Variants in RALYL observed in about 807,000 individuals in gnomAD.
RALYL encodes the protein RNA-binding Raly-like protein.
Under a neutral mutation model 35.1 loss-of-function variants are expected in RALYL, and 29 were observed. The observed-to-expected ratio is 0.83, with a 90% CI of 0.61 to 1.13. The LOEUF (loss-of-function observed/expected upper bound fraction) is 1.13. Among genes scored for constraint, RALYL ranks in the 50% most tolerant of loss-of-function variants. The pLI is 0.00. For synonymous variants in RALYL, 120 were observed against 127.6 expected, an observed-to-expected ratio of 0.94 and a Z score of 0.40; for missense variants, 359 against 360.4, an observed-to-expected ratio of 1.00 and a Z score of 0.03.
At chr8:84,221,473 A>G (rs945086875) in intron 1 of RALYL, among the ~76,000 whole-genome samples, 7 of 152,028 alleles carry the variant, frequency 4.6e-5, no homozygotes, top group Non-Finnish European at 1.0e-4. Context: ...CTCTGGGGAA[A>G]TCTTGGGTTC....
chr8:84,193,699 A>G (rs1385113079), intron 1 of RALYL, among the ~76,000 whole-genome samples: 2 of 152,192 alleles, frequency 1.3e-5, no homozygotes, highest in Non-Finnish European at 2.9e-5. Context: ...GAAAGATTCT[A>G]GAGCTGTAAT....
At chr8:84,480,134 T>G (rs182070292) in intron 1 of RALYL, among the ~76,000 whole-genome samples, 1 of 152,190 alleles carries the variant, frequency 6.6e-6, no homozygotes, top group Non-Finnish European at 1.5e-5. Context: ...TAAATAGTAT[T>G]TGATTATTAA....
intron 2 of RALYL, among the ~76,000 whole-genome samples, chr8:84,714,317 C>T (rs549412114): frequency 1.3e-4 from 19 of 151,666 alleles, no homozygotes; most frequent in Non-Finnish European, 1.6e-4. Flanking sequence ...AAAAGCAATA[C>T]GTTCAGGAGA....
At chr8:84,917,057 C>T (rs1032847955) in intron 8 of RALYL, among the ~76,000 whole-genome samples, 1 of 152,086 alleles carries the variant, frequency 6.6e-6, no homozygotes, top group African/African-American at 2.4e-5. Context: ...ATACCATATA[C>T]AGTAACTTAA....
intron 2 of RALYL, among the ~76,000 whole-genome samples, chr8:84,560,324 A>G (rs577284192): frequency 6.6e-6 from 1 of 152,144 alleles, no homozygotes; most frequent in South Asian, 2.1e-4. Flanking sequence ...GGAAATTATC[A>G]AAAGAAGGTG....
At chr8:84,213,165 C>T (rs1296494386) in intron 1 of RALYL, among the ~76,000 whole-genome samples, 1 of 151,952 alleles carries the variant, frequency 6.6e-6, no homozygotes, top group African/African-American at 2.4e-5. Flanking sequence ...CCGAGGCGGG[C>T]GGGTCACCTG....
At chr8:84,541,741 T>C (rs983659654) in intron 2 of RALYL, among the ~76,000 whole-genome samples, 1 of 152,098 alleles carries the variant, frequency 6.6e-6, no homozygotes. Context: ...CAATATTTAG[T>C]AAATACAAAC....
intron 1 of RALYL, among the ~76,000 whole-genome samples, chr8:84,395,242 T>C (rs1011361090): frequency 1.9e-4 from 29 of 151,928 alleles, no homozygotes; most frequent in African/African-American, 7.0e-4. Flanking sequence ...AAGCATTTTT[T>C]ATTTCTGTCT....
chr8:84,523,149 A>C (rs192913249), intron 1 of RALYL, among the ~76,000 whole-genome samples: 1 of 152,294 alleles, frequency 6.6e-6, no homozygotes, highest in Admixed American at 6.5e-5. Flanking sequence ...GGAATTGATA[A>C]AGGAAAGGGG....
At chr8:84,377,022 A>G (rs16912735) in intron 1 of RALYL, among the ~76,000 whole-genome samples, 4,477 of 151,934 alleles carry the variant, frequency 0.029, 209 homozygotes, top group African/African-American at 0.1. Flanking sequence ...AAAATAATCT[A>G]AAGTATACTA....
intron 1 of RALYL, among the ~76,000 whole-genome samples, chr8:84,489,301 A>G (rs1354269694): frequency 6.6e-6 from 1 of 152,022 alleles, no homozygotes; most frequent in African/African-American, 2.4e-5. Flanking sequence ...GAGCTCTGAA[A>G]CCCAGTTCAG....
At chr8:84,423,645 C>T (rs969117180) in intron 1 of RALYL, among the ~76,000 whole-genome samples, 7 of 151,744 alleles carry the variant, frequency 4.6e-5, no homozygotes, top group Non-Finnish European at 7.4e-5. Context: ...TTCCTAGTCT[C>T]GATGGTCTTT....
chr8:84,820,283 C>T (rs1828241808), intron 4 of RALYL, among the ~76,000 whole-genome samples: 1 of 152,050 alleles, frequency 6.6e-6, no homozygotes, highest in African/African-American at 2.4e-5. Context: ...GATTTATGAC[C>T]ACTTCATAAC....
At chr8:84,819,486 G>A (rs907204722) in intron 4 of RALYL, among the ~76,000 whole-genome samples, 5 of 152,156 alleles carry the variant, frequency 3.3e-5, no homozygotes. Flanking sequence ...AATCAATCAT[G>A]TATGTGCATA....
At chr8:84,232,006 T>C (rs1825481163) in intron 1 of RALYL, among the ~76,000 whole-genome samples, 1 of 152,076 alleles carries the variant, frequency 6.6e-6, no homozygotes, top group Non-Finnish European at 1.5e-5. Context: ...AAAGGCAGAT[T>C]ATTCCAAAAA....
chr8:84,521,758 C>T (rs1027753809), intron 1 of RALYL, among the ~76,000 whole-genome samples: 4 of 152,032 alleles, frequency 2.6e-5, no homozygotes, highest in Non-Finnish European at 1.5e-5. Context: ...CATTGATTTC[C>T]AATTTTGTAG....
intron 1 of RALYL, among the ~76,000 whole-genome samples, chr8:84,408,908 GA>G (rs557186146): frequency 5.3e-5 from 8 of 150,358 alleles, no homozygotes; most frequent in South Asian, 4.2e-4. Flanking sequence ...AACTATGTAA[GA>G]AAAAAAAAGA....
intron 2 of RALYL, among the ~76,000 whole-genome samples, chr8:84,657,485 G>T (rs1830170362): frequency 6.6e-6 from 1 of 152,162 alleles, no homozygotes; most frequent in Non-Finnish European, 1.5e-5. Context: ...GCACTCATGT[G>T]CATACCTTTC....
intron 1 of RALYL, among the ~76,000 whole-genome samples, chr8:84,307,709 G>A (rs1842088499): frequency 6.6e-6 from 1 of 152,144 alleles, no homozygotes. Flanking sequence ...AGAGGAGCAA[G>A]GACCGCCCCA....
Sources: allele counts gnomAD v4.1 joint callset (sites outside exome capture counted in the v4.1 genomes callset), GRCh38; gene constraint gnomAD v4.1.1; transcripts MANE v1.5; gene names NCBI Gene and HGNC (gene_info 2026-07-23, HGNC 2026-07-21).